KLF12: variants seen among roughly 807,000 people sequenced by gnomAD.
KLF12 encodes KLF transcription factor 12, also known as Krueppel-like factor 12.
In KLF12, 9 loss-of-function variants were observed where a neutral mutation model predicts 37.8. That is an observed-to-expected ratio of 0.24 (90% confidence interval 0.14 to 0.42). The LOEUF is 0.42. KLF12 is among the 10% of genes least tolerant of loss of function. The pLI is 1.00. For missense variants in KLF12, 411 were observed against 516.0 expected (o/e 0.80, Z 1.97); for synonymous variants, 208 against 202.1 (o/e 1.03, Z -0.25).
intron 3 of KLF12, among the ~76,000 whole-genome samples, chr13:73,910,797 G>A (rs1034854451): frequency 1.3e-5 from 2 of 152,192 alleles, no homozygotes; most frequent in African/African-American, 4.8e-5. Context: ...AGGGCTTTAT[G>A]AAGTGGAATG....
At chr13:74,076,685 T>G (rs578010456) in intron 1 of KLF12, among the ~76,000 whole-genome samples, 17 of 152,300 alleles carry the variant, frequency 1.1e-4, no homozygotes, top group Admixed American at 2.0e-4. Context: ...ATGTGAAAGT[T>G]TGTTATATAC....
At chr13:73,856,050 A>G (rs530660687) in intron 3 of KLF12, among the ~76,000 whole-genome samples, 7 of 152,314 alleles carry the variant, frequency 4.6e-5, no homozygotes, top group Admixed American at 2.0e-4. Context: ...ACACAGGTAT[A>G]TGTAATTAAT....
chr13:73,857,589 C>T (rs1373363937), intron 3 of KLF12, among the ~76,000 whole-genome samples: 1 of 152,164 alleles, frequency 6.6e-6, no homozygotes, highest in African/African-American at 2.4e-5. Flanking sequence ...ATAGGGCTAA[C>T]TTACTGCAGG....
chr13:74,144,762 A>C, the KLF12 span, among the ~76,000 whole-genome samples: 1 of 152,184 alleles, frequency 6.6e-6, no homozygotes, highest in African/African-American at 2.4e-5. Context: ...GTTATTTTAG[A>C]GCTGTTATAT....
the KLF12 span, among the ~76,000 whole-genome samples, chr13:74,191,846 A>G: frequency 0.026 from 3,937 of 152,278 alleles, 156 homozygotes; most frequent in African/African-American, 0.086. Flanking sequence ...TATAAAATGT[A>G]AATATACGTA....
At chr13:74,283,152 G>A in the KLF12 span, among the ~76,000 whole-genome samples, 6 of 152,204 alleles carry the variant, frequency 3.9e-5, no homozygotes, top group Non-Finnish European at 8.8e-5. Flanking sequence ...AATGTAGACT[G>A]CAAACTTCAC....
chr13:74,298,716 A>G, the KLF12 span, among the ~76,000 whole-genome samples: 7 of 152,204 alleles, frequency 4.6e-5, no homozygotes, highest in African/African-American at 1.7e-4. Context: ...TTTTATGCCT[A>G]AGAATAAAGA....
In KLF12 at chr13:74,041,505, C is replaced by G. The variant is rs138419059; in HGVS notation, c.-31-46452G>C. Among the ~76,000 whole-genome samples, 43 of 152,172 alleles carry G rather than the reference C, an allele frequency of 2.8e-4. No individual in the cohort carries two copies. In the East Asian group the frequency reaches 8.3e-3, roughly 29 times the overall value. On this transcript the variant is annotated intron_variant, in intron 1 of 7. Transcript: ENST00000377669. ...TAAGATGCTGACTTACTCTCAAATT[C>G]AAGCATTGTGTAAGTAGAGCTAAAA...
chr13:73,894,632 A>G (rs1306476298), intron 3 of KLF12, among the ~76,000 whole-genome samples: 1 of 152,188 alleles, frequency 6.6e-6, no homozygotes, highest in Admixed American at 6.5e-5. Flanking sequence ...TCTTAAGCTA[A>G]TAAAATGTTC....
intron 1 of KLF12, among the ~76,000 whole-genome samples, chr13:74,111,333 T>A (rs1440074887): frequency 6.6e-6 from 1 of 152,130 alleles, no homozygotes; most frequent in Non-Finnish European, 1.5e-5. Flanking sequence ...ACTTTTGAAA[T>A]ATTCTTAATA....
the KLF12 span, among the ~76,000 whole-genome samples, chr13:74,215,342 T>C: frequency 6.6e-6 from 1 of 151,850 alleles, no homozygotes; most frequent in Non-Finnish European, 1.5e-5. Flanking sequence ...AAAGTTATTA[T>C]CTGATTATTC....
At chr13:73,996,345 T>TA (rs1376485546) in intron 1 of KLF12, among the ~76,000 whole-genome samples, 4 of 152,246 alleles carry the variant, frequency 2.6e-5, no homozygotes, top group African/African-American at 9.6e-5. Flanking sequence ...TCCTTTGAAA[T>TA]ACTTAAAAAG....
rs979108263 is a variant in KLF12, at chr13:73,726,430, T to G, written c.870-10905A>C. 2.0e-5 allele frequency among the ~76,000 whole-genome samples: 3 copies of G among 152,166 alleles called. No individual in the cohort carries two copies. The East Asian group carries it at 5.8e-4, about 29-fold the overall frequency. ...CCCCAAAAGAAAACCCCATACTCAT[T>G]AGCATCCATTCTGCCTTCCTCCTAG... On this transcript the variant is annotated intron_variant, in intron 6 of 7. Coordinates refer to ENST00000377669, the MANE Select transcript of KLF12 (RefSeq NM_007249.5).
the KLF12 span, among the ~76,000 whole-genome samples, chr13:74,247,231 G>T: frequency 6.6e-6 from 1 of 152,138 alleles, no homozygotes; most frequent in East Asian, 1.9e-4. Flanking sequence ...ATGAAGATGG[G>T]TTCAGATTGT....
intron 3 of KLF12, among the ~76,000 whole-genome samples, chr13:73,881,900 T>C (rs1886999524): frequency 1.3e-5 from 2 of 152,176 alleles, no homozygotes; most frequent in Admixed American, 6.5e-5. Context: ...GTTCTCTATA[T>C]AACGTTAACA....
intron 1 of KLF12, among the ~76,000 whole-genome samples, chr13:74,055,284 A>AT (rs1873183674): frequency 6.6e-6 from 1 of 152,186 alleles, no homozygotes; most frequent in African/African-American, 2.4e-5. Flanking sequence ...AATCCATTCC[A>AT]TTTACTTACA....
At chr13:74,191,205 TTC>T in the KLF12 span, among the ~76,000 whole-genome samples, 4 of 152,144 alleles carry the variant, frequency 2.6e-5, no homozygotes, top group Non-Finnish European at 5.9e-5. Context: ...AAGCAGTATA[TTC>T]TGTTTCTGAA....
At chr13:74,274,011 T>C in the KLF12 span, among the ~76,000 whole-genome samples, 1 of 152,152 alleles carries the variant, frequency 6.6e-6, no homozygotes, top group Non-Finnish European at 1.5e-5. Context: ...GCACATGAAC[T>C]TAAGACACCA....
intron 1 of KLF12, among the ~76,000 whole-genome samples, chr13:74,059,481 T>C (rs1484918551): frequency 2.0e-5 from 3 of 152,224 alleles, no homozygotes; most frequent in Non-Finnish European, 4.4e-5. Context: ...ATTCTGACAA[T>C]TATTATCATG....
Sources: allele counts gnomAD v4.1 joint callset (sites outside exome capture counted in the v4.1 genomes callset), GRCh38; gene constraint gnomAD v4.1.1; transcripts MANE v1.5; gene names NCBI Gene and HGNC (gene_info 2026-07-23, HGNC 2026-07-21).